The following COL24A1 variants were observed in gnomAD, a reference collection of about 807,000 sequenced individuals.
COL24A1 encodes the protein collagen alpha-1(XXIV) chain.
A neutral mutation model predicts 253.9 loss-of-function variants in COL24A1; 224 were observed. The ratio of observed to expected loss-of-function variants is 0.88; its 90% CI spans 0.79 to 0.99. The LOEUF (loss-of-function observed/expected upper bound fraction) is 0.99, where lower values mean the gene tolerates loss of function less well. Ranked by LOEUF, COL24A1 falls within the 50% of genes least tolerant of loss-of-function variation. The pLI, the probability that COL24A1 is intolerant of heterozygous loss-of-function variation, is 0.00. For missense variants in COL24A1, 2,131 were observed against 2,068.5 expected, an observed-to-expected ratio of 1.03 and a Z score of -0.59; for synonymous variants, 685 against 673.7, an observed-to-expected ratio of 1.02 and a Z score of -0.26.
intron 43 of COL24A1, among the ~76,000 whole-genome samples, chr1:85,832,359 G>A (rs575313969): frequency 4.3e-4 from 66 of 152,118 alleles, no homozygotes; most frequent in Middle Eastern, 3.4e-3. Flanking sequence ...GTCAGGTAGC[G>A]TGATGCCTCC....
At chr1:85,822,340 T>A (rs1239853684) in intron 45 of COL24A1, among the ~76,000 whole-genome samples, 3 of 152,194 alleles carry the variant, frequency 2.0e-5, no homozygotes, top group Non-Finnish European at 4.4e-5. Flanking sequence ...AAATCATTAC[T>A]TTTTATTCAT....
At position 85,761,568 on chromosome 1, in the gene COL24A1, TG is replaced by T; in HGVS notation, c.4375-3del. 5.0e-6 allele frequency: 8 copies of T among 1,614,020 alleles called. No individual in the cohort carries two copies. The highest frequency in any genetic ancestry group is 6.8e-6 in the Non-Finnish European group (8 of 1,179,896). ...TTGACCTCTTGGTCCTTGAGGACCC[TG>T]GAAGAAATGGAGACAAACACAAGAC... is the stretch of plus-strand genomic sequence containing the variant. On this transcript the variant is annotated splice_region_variant and splice_polypyrimidine_tract_variant and intron_variant, in intron 53 of 59. Transcript: ENST00000370571.
chr1:85,807,405 G>C (rs1258558606), intron 47 of COL24A1, among the ~76,000 whole-genome samples: 2 of 152,190 alleles, frequency 1.3e-5, no homozygotes, highest in South Asian at 2.1e-4. Context: ...TGGAATCCCT[G>C]AGTGGTAGAA....
At chr1:85,893,164 C>A (rs372460265) in intron 31 of COL24A1, among the ~76,000 whole-genome samples, 1 of 151,898 alleles carries the variant, frequency 6.6e-6, no homozygotes, top group Non-Finnish European at 1.5e-5. Context: ...ACAAGATATG[C>A]CATGTAAGCA....
At chr1:85,997,480 A>G (rs947697068) in intron 19 of COL24A1, among the ~76,000 whole-genome samples, 11 of 152,034 alleles carry the variant, frequency 7.2e-5, no homozygotes, top group African/African-American at 2.4e-4. Flanking sequence ...TGCTATTGCA[A>G]TTGATTGAAA....
At chr1:86,077,206 G>C (rs1312588669) in intron 7 of COL24A1, among the ~76,000 whole-genome samples, 1 of 152,026 alleles carries the variant, frequency 6.6e-6, no homozygotes, top group African/African-American at 2.4e-5. Flanking sequence ...ACTTCTCAAA[G>C]GAAGACATTT....
At chr1:85,796,393 T>G (rs1266319324) in intron 47 of COL24A1, among the ~76,000 whole-genome samples, 1 of 152,196 alleles carries the variant, frequency 6.6e-6, no homozygotes, top group Non-Finnish European at 1.5e-5. Flanking sequence ...TTTACCCAGG[T>G]CTTGACATCC....
rs535642085 is a variant in COL24A1 at position 85,925,904 on chromosome 1, A to T, written c.2563-14471T>A. ...AACAGGCAACCTACAGAATGGGAGA[A>T]AATTTTTGCAATCTACCCATCTGAC... On this transcript the variant is annotated intron_variant, in intron 24 of 59. Transcript: ENST00000370571. 9.8e-5 allele frequency among the ~76,000 whole-genome samples: 15 copies of T among 152,318 alleles called. No homozygotes were observed. In the East Asian group the frequency reaches 2.7e-3, roughly 27 times the overall value.
At chr1:86,069,064 A>G (rs1233644251) in intron 7 of COL24A1, among the ~76,000 whole-genome samples, 1 of 152,162 alleles carries the variant, frequency 6.6e-6, no homozygotes, top group East Asian at 1.9e-4. Flanking sequence ...GTCACAGTGA[A>G]AGACTCCTTT....
At chr1:85,757,854 A>T (rs438401) in intron 55 of COL24A1, among the ~76,000 whole-genome samples, 5,511 of 152,166 alleles carry the variant, frequency 0.036, 114 homozygotes, top group Middle Eastern at 0.082. Context: ...TCTCTCATTA[A>T]GTGCAGTGAG....
chr1:85,960,304 A>G (rs1381902862), intron 24 of COL24A1, among the ~76,000 whole-genome samples: 1 of 152,166 alleles, frequency 6.6e-6, no homozygotes, highest in Admixed American at 6.6e-5. Context: ...CCTGGTGTTA[A>G]TTTAATTTTC....
chr1:85,734,359 A>T (rs979111438), intron 59 of COL24A1, among the ~76,000 whole-genome samples: 4 of 152,354 alleles, frequency 2.6e-5, no homozygotes, highest in African/African-American at 9.6e-5. Context: ...CTTTTATGCA[A>T]TAATGAGATG....
At chr1:85,760,352 AT>A (rs1435849932) in intron 55 of COL24A1, among the ~76,000 whole-genome samples, 1 of 152,182 alleles carries the variant, frequency 6.6e-6, no homozygotes, top group African/African-American at 2.4e-5. Flanking sequence ...GCCGAAAGAC[AT>A]TCTTATTGAT....
At position 85,825,200 on chromosome 1, in the gene COL24A1, G is replaced by T. The variant is rs1276129054; in HGVS notation, c.3682-1462C>A. Among the ~76,000 whole-genome samples, 276 of 151,466 alleles carry T rather than the reference G, an allele frequency of 1.8e-3. 1 individual carries two copies. Among genetic ancestry groups the T allele is most frequent in the African/African-American group, 6.3e-3 (258 of 41,248 alleles). ...TTGGTTTTTTGTTCTTGCGATAGCT[G>T]ACTGAGAATGATGATTTCCAATTTC... On this transcript the variant is annotated intron_variant, in intron 43 of 59. Coordinates refer to ENST00000370571, the MANE Select transcript of COL24A1 (RefSeq NM_152890.7).
chr1:86,053,032 A>C (rs1460381374), intron 10 of COL24A1, among the ~76,000 whole-genome samples: 1 of 152,100 alleles, frequency 6.6e-6, no homozygotes, highest in African/African-American at 2.4e-5. Context: ...AATAAAGTGA[A>C]ACATCTATGA....
chr1:86,100,934 A>G (rs1348145856), intron 5 of COL24A1, among the ~76,000 whole-genome samples: 1 of 152,044 alleles, frequency 6.6e-6, no homozygotes, highest in East Asian at 1.9e-4. Flanking sequence ...TAAACTGGTA[A>G]AAGTAAGTAA....
chr1:86,109,799 G>A (rs2102128703), intron 5 of COL24A1, among the ~76,000 whole-genome samples: 1 of 152,242 alleles, frequency 6.6e-6, no homozygotes, highest in South Asian at 2.1e-4. Flanking sequence ...TAGACTGAAT[G>A]TTTTTCCCTT....
chr1:85,830,948 A>G (rs1024709788), intron 43 of COL24A1, among the ~76,000 whole-genome samples: 1 of 152,034 alleles, frequency 6.6e-6, no homozygotes, highest in African/African-American at 2.4e-5. Flanking sequence ...GGCTCCTAAC[A>G]ACAATATTTA....
At chr1:86,076,039 A>T (rs1304232167) in intron 7 of COL24A1, among the ~76,000 whole-genome samples, 1 of 152,094 alleles carries the variant, frequency 6.6e-6, no homozygotes, top group Non-Finnish European at 1.5e-5. Flanking sequence ...AGAAGTTCTG[A>T]CCAGGGAAAT....
Sources: allele counts gnomAD v4.1 joint callset (sites outside exome capture counted in the v4.1 genomes callset), GRCh38; gene constraint gnomAD v4.1.1; transcripts MANE v1.5; gene names NCBI Gene and HGNC (gene_info 2026-07-23, HGNC 2026-07-21).